ZNF385A: variants seen among roughly 807,000 people sequenced by gnomAD.
ZNF385A encodes hematopoietic zinc finger protein.
A neutral mutation model predicts 32.1 loss-of-function variants in ZNF385A; 14 were observed. The observed-to-expected ratio is 0.44, with a 90% CI of 0.29 to 0.68. ZNF385A has a LOEUF of 0.68. Ranked by LOEUF, ZNF385A falls within the 30% of genes least tolerant of loss-of-function variation. The pLI is 0.14. For missense variants in ZNF385A, 406 were observed against 478.4 expected, an observed-to-expected ratio of 0.85 and a Z score of 1.41; for synonymous variants, 197 against 202.7, an observed-to-expected ratio of 0.97 and a Z score of 0.24.
chr12:54,389,095 A>G (rs980168692), upstream of ZNF385A, among the ~76,000 whole-genome samples: 1 of 152,156 alleles, frequency 6.6e-6, no homozygotes, highest in Admixed American at 6.5e-5. Context: ...GCCTCCTTCA[A>G]TGTGCCACTA....
At chr12:54,383,897 AAAAC>A (rs1349322873) in intron 1 of ZNF385A, among the ~76,000 whole-genome samples, 8 of 152,230 alleles carry the variant, frequency 5.3e-5, no homozygotes, top group Non-Finnish European at 1.0e-4. Context: ...CCGTCTCATA[AAAAC>A]AAACAAACAA....
chr12:54,390,765 C>G (rs1955618125), intron 1 of ZNF385A, among the ~76,000 whole-genome samples: 1 of 151,876 alleles, frequency 6.6e-6, no homozygotes, highest in Non-Finnish European at 1.5e-5. Context: ...CCACCATCTT[C>G]TCCTTCCACC....
chr12:54,370,590 C>A lies in ZNF385A; in HGVS notation c.870+36G>T, dbSNP rs772308361. ...GTCCCTCTCTCCTCCCCGCCCGCGC[C>A]CTCCCACTGCTGAATTCCCAGCATC... On this transcript the variant is annotated intron_variant, in intron 6 of 6. Transcript: ENST00000394313. This position sits in a 1 kb window ranked among gnomAD's most constrained non-coding sequence, Gnocchi z 5.5. 1 of 1,570,094 alleles carries A rather than the reference C, an allele frequency of 6.4e-7. No individual in the cohort carries two copies. The highest frequency in any genetic ancestry group is 8.6e-7 in the Non-Finnish European group (1 of 1,157,348).
At chr12:54,387,052 C>G (rs1955509559), upstream of ZNF385A, among the ~76,000 whole-genome samples, 1 of 152,228 alleles carries the variant, frequency 6.6e-6, no homozygotes, top group African/African-American at 2.4e-5. Flanking sequence ...AATTCTTTCT[C>G]TGCTACCTTA....
intron 1 of ZNF385A, chr12:54,391,117 C>T (rs373926796): frequency 8.5e-6 from 9 of 1,062,708 alleles, no homozygotes; most frequent in Non-Finnish European, 1.2e-5. Context: ...GAGGGGGAAC[C>T]GGTCGCTGAC....
rs1954420236 is a variant in ZNF385A, at chr12:54,369,855, G to C, written c.*401C>G. 1 of 164,536 alleles carries C rather than the reference G, an allele frequency of 6.1e-6. No individual in the cohort carries two copies. The highest frequency in any genetic ancestry group is 6.4e-5 in the Admixed American group (1 of 15,656). 10.2% of individuals were successfully genotyped at this position (164,536 alleles called of 1,614,324 possible). A position where few individuals can be genotyped will look rare whatever the true frequency, so the allele number is the denominator to read the frequency against. On this transcript the variant is annotated 3_prime_UTR_variant, in exon 7 of 7. Coordinates refer to ENST00000394313, the MANE Select transcript of ZNF385A (RefSeq NM_015481.3). ...TTTGGGGTAGGGAGCCGGAGTCCCA[G>C]AGTCCGCTTATTGCCAAGAAAATCC... is the stretch of plus-strand genomic sequence containing the variant.
intron 4 of ZNF385A, 88 bp downstream of exon 4, chr12:54,371,385 G>A: frequency 6.6e-7 from 1 of 1,524,468 alleles, no homozygotes; most frequent in South Asian, 1.2e-5. Context: ...AGATGGTCTA[G>A]GGATGTTGGA....
At chr12:54,388,075 G>T (rs1955541856), upstream of ZNF385A, among the ~76,000 whole-genome samples, 2 of 150,846 alleles carry the variant, frequency 1.3e-5, no homozygotes, top group African/African-American at 5.0e-5. Flanking sequence ...GTGTGTGTGT[G>T]TGTGTGTGGC....
chr12:54,385,496 T>C (rs1200763726), upstream of ZNF385A, among the ~76,000 whole-genome samples: 1 of 152,172 alleles, frequency 6.6e-6, no homozygotes, highest in Admixed American at 6.5e-5. Context: ...GTGCACCAGC[T>C]GGGGAGTTCT....
At chr12:54,371,183 A>G (rs184091805) in intron 4 of ZNF385A, 87 bp from the exon 5 acceptor site, 2 of 1,418,746 alleles carry the variant, frequency 1.4e-6, no homozygotes, top group East Asian at 4.6e-5. Flanking sequence ...CCCAGGTACA[A>G]TATGAGGGGG....
chr12:54,376,615 G>A (rs1188895446), intron 1 of ZNF385A, among the ~76,000 whole-genome samples: 9 of 152,300 alleles, frequency 5.9e-5, no homozygotes, highest in Admixed American at 4.6e-4. Flanking sequence ...GGGCTGGCCC[G>A]AGGCAGCCCA....
chr12:54,374,428 C>G (rs368787582), intron 2 of ZNF385A, among the ~76,000 whole-genome samples: 1 of 152,100 alleles, frequency 6.6e-6, no homozygotes, highest in African/African-American at 2.4e-5. Context: ...CTGGTAGAGA[C>G]AGGGGGACCA....
Position 54,375,909 on chromosome 12 carries a change from G to A in ZNF385A, c.133C>T (p.Pro45Ser), listed in dbSNP as rs747996419. The stretch of plus-strand genomic sequence containing the variant: ...ACGGGCCGCTTGGTCTTGAGCAAGG[G>A]TCCCCCAAAAGTGTGGGAGAGCACA... The part of the protein sequence containing the change: ...KAVLSHTFGG[P>S]LLKTKRPVIS... Residue 45 changes from proline to serine, a missense_variant, in exon 2 of 7, where the codon CCC becomes TCC. Transcript: ENST00000394313. 1 of 1,614,130 alleles carries A rather than the reference G, an allele frequency of 6.2e-7. No individual in the cohort carries two copies. The highest frequency in any genetic ancestry group is 8.5e-7 in the Non-Finnish European group (1 of 1,180,034).
intron 1 of ZNF385A, among the ~76,000 whole-genome samples, chr12:54,378,338 A>T (rs965211502): frequency 6.6e-6 from 1 of 152,006 alleles, no homozygotes; most frequent in African/African-American, 2.4e-5. Flanking sequence ...AGCCCATCTC[A>T]CTCCAGAGCT....
Position 54,370,120 on chromosome 12 carries a change from A to C in ZNF385A, c.*136T>G. The C allele has an allele frequency of 2.9e-6, 2 of 699,834 alleles. No homozygotes were observed. Among genetic ancestry groups the C allele is most frequent in the South Asian group, 3.7e-5 (1 of 26,682 alleles). The allele number at this position is 699,834 out of a possible 1,614,324, so 43.4% of individuals were successfully genotyped here. ...CCCCGCTACCCCTCCCCTTTCCTGG[A>C]ACCCCGTATCTCGGGGTGGGGGGGG... On this transcript the variant is annotated 3_prime_UTR_variant, in exon 7 of 7. Transcript: ENST00000394313. This position sits in a 1 kb window ranked among gnomAD's most constrained non-coding sequence, Gnocchi z 5.5.
At chr12:54,374,794 C>G (rs553891082) in intron 2 of ZNF385A, among the ~76,000 whole-genome samples, 1 of 152,106 alleles carries the variant, frequency 6.6e-6, no homozygotes, top group African/African-American at 2.4e-5. Flanking sequence ...GGCTCCCTGC[C>G]CCTCTAGTCT....
chr12:54,391,076 G>A lies in ZNF385A; in HGVS notation c.10+159C>T, dbSNP rs1055082257. 2.6e-5 allele frequency among the ~76,000 whole-genome samples: 4 copies of A among 152,154 alleles called. No individual in the cohort carries two copies. The East Asian group carries it at 5.8e-4, about 22-fold the overall frequency. ...GGGAAAGAGGGGAAGAGGGGAAGAG[G>A]GGACCCCAGATGTGGAGCCAGATGA... On this transcript the variant is annotated intron_variant, in intron 1 of 7. Coordinates refer to the ZNF385A transcript ENST00000338010.
At position 54,371,668 on chromosome 12, in the gene ZNF385A, G is replaced by T; in HGVS notation, c.409C>A (p.Gln137Lys). 6.2e-7 allele frequency: 1 copy of T among 1,609,516 alleles called. No homozygotes were observed. The highest frequency in any genetic ancestry group is 8.5e-7 in the Non-Finnish European group (1 of 1,178,644). The change falls in exon 4 of 7, where the codon CAG becomes AAG. Residue 137 changes from glutamine (Q) to lysine (K), a missense_variant. Coordinates refer to ENST00000394313, the MANE Select transcript of ZNF385A (RefSeq NM_015481.3). ...CTGGGAGGGGATGGGGAGCCAGGCTGTTTCTCTGGGGATCCTGGGGCTGGC... is the reference window on the plus strand; with the variant it reads ...CTGGGAGGGGATGGGGAGCCAGGCTTTTTCTCTGGGGATCCTGGGGCTGGC... ...LGPAPGSPEK[Q>K]PGSPSPPSIP... is the part of the protein sequence containing the mutation.
At chr12:54,385,731 C>A (rs1955449345), upstream of ZNF385A, 1 of 953,980 alleles carries the variant, frequency 1.0e-6, no homozygotes, top group Non-Finnish European at 1.2e-6. Context: ...CCCCCAGGGG[C>A]CTGGGCCTGA....
Sources: gnomAD v4.1 joint callset for allele counts (sites outside exome capture counted in the v4.1 genomes callset) on GRCh38, gnomAD v4.1.1 for gene constraint, Gnocchi (gnomAD v3.1) non-coding constraint, MANE v1.5 for transcripts, NCBI Gene and HGNC (gene_info 2026-07-23, HGNC 2026-07-21) for gene names.